PCSK2: variants seen among roughly 807,000 people sequenced by gnomAD.
The protein encoded by PCSK2 is proprotein convertase subtilisin/kexin type 2, also known as neuroendocrine convertase 2.
In PCSK2, 14 loss-of-function variants were observed where a neutral mutation model predicts 69.7. That is an observed-to-expected ratio of 0.20 (90% CI 0.13 to 0.31). The LOEUF (loss-of-function observed/expected upper bound fraction) is 0.31, where lower values mean the gene tolerates loss of function less well. PCSK2 is among the 10% of genes least tolerant of loss of function. The pLI, the probability that PCSK2 is intolerant of heterozygous loss-of-function variation, is 1.00. For missense variants in PCSK2, 544 were observed against 842.5 expected, an observed-to-expected ratio of 0.65 and a Z score of 4.39; for synonymous variants, 307 against 320.7, an observed-to-expected ratio of 0.96 and a Z score of 0.46.
At chr20:17,430,208 C>T (rs2032335848) in intron 7 of PCSK2, among the ~76,000 whole-genome samples, 3 of 151,910 alleles carry the variant, frequency 2.0e-5, no homozygotes, top group Admixed American at 1.3e-4. Context: ...TATCCCTCCC[C>T]TCTCAGAAAA....
chr20:17,449,301 C>G (rs1312197827), intron 8 of PCSK2, among the ~76,000 whole-genome samples: 1 of 152,130 alleles, frequency 6.6e-6, no homozygotes, highest in Non-Finnish European at 1.5e-5. Flanking sequence ...GGGTCATGGC[C>G]TCCCTTTGTC....
intron 2 of PCSK2, among the ~76,000 whole-genome samples, chr20:17,322,155 T>C (rs550179923): frequency 6.6e-6 from 1 of 152,302 alleles, no homozygotes; most frequent in African/African-American, 2.4e-5. Context: ...TCACACTTCC[T>C]GCAATAAGAG....
intron 5 of PCSK2, among the ~76,000 whole-genome samples, chr20:17,389,520 G>C (rs1464467691): frequency 1.3e-5 from 2 of 151,988 alleles, no homozygotes; most frequent in Non-Finnish European, 2.9e-5. Context: ...TTTGGTTCAT[G>C]GAAAGGGTGT....
chr20:17,371,810 T>C (rs2030772966), intron 5 of PCSK2, among the ~76,000 whole-genome samples: 1 of 152,146 alleles, frequency 6.6e-6, no homozygotes, highest in African/African-American at 2.4e-5. Context: ...TTAAACATTC[T>C]GATCTCCAAT....
chr20:17,433,153 G>T (rs1354304767), intron 7 of PCSK2, among the ~76,000 whole-genome samples: 3 of 152,186 alleles, frequency 2.0e-5, no homozygotes, highest in African/African-American at 7.2e-5. Context: ...TTTGATTGAA[G>T]ATTTTGAAAA....
intron 2 of PCSK2, among the ~76,000 whole-genome samples, chr20:17,339,034 A>G (rs1222497178): frequency 2.0e-5 from 3 of 152,192 alleles, no homozygotes; most frequent in Admixed American, 1.3e-4. Flanking sequence ...TAAGAACAGC[A>G]CACATTTTTA....
At chr20:17,268,973 C>T (rs1454875430) in intron 2 of PCSK2, among the ~76,000 whole-genome samples, 8 of 152,126 alleles carry the variant, frequency 5.3e-5, no homozygotes, top group Admixed American at 5.2e-4. Flanking sequence ...AGTGAGAAGG[C>T]AAAGGTGACT....
intron 2 of PCSK2, among the ~76,000 whole-genome samples, chr20:17,284,159 A>G (rs1988428972): frequency 6.6e-6 from 1 of 152,162 alleles, no homozygotes. Context: ...TGGCCCAGAA[A>G]GGTATCATTG....
intron 5 of PCSK2, among the ~76,000 whole-genome samples, chr20:17,399,658 A>T (rs1427946075): frequency 6.6e-6 from 1 of 152,176 alleles, no homozygotes; most frequent in Non-Finnish European, 1.5e-5. Flanking sequence ...GCGTTTTGCA[A>T]GGAGCCACAG....
intron 5 of PCSK2, among the ~76,000 whole-genome samples, chr20:17,382,962 C>T (rs911060396): frequency 2.0e-5 from 3 of 152,184 alleles, no homozygotes; most frequent in Non-Finnish European, 4.4e-5. Flanking sequence ...TGTGTAGCCA[C>T]TTCCTAGTTC....
At chr20:17,391,351 A>C (rs1300645953) in intron 5 of PCSK2, among the ~76,000 whole-genome samples, 1 of 152,162 alleles carries the variant, frequency 6.6e-6, no homozygotes. Flanking sequence ...TTCGCTGCTG[A>C]CTTGAAACTT....
rs376391606 is a variant in PCSK2 at position 17,300,417 on chromosome 20, C to T, written c.282+40073C>T. ...GGTTCCCCAGAGGTCCTTGCCCATT[C>T]CCCAGAGGTCCTTGCCCAGCCTATC... On this transcript the variant is annotated intron_variant, in intron 2 of 11. Transcript: ENST00000262545. 1.8e-4 allele frequency among the ~76,000 whole-genome samples: 27 copies of T among 152,358 alleles called. No individual in the cohort carries two copies. In the East Asian group the frequency reaches 3.3e-3, roughly 18 times the overall value.
At chr20:17,344,127 G>A (rs1391955740) in intron 2 of PCSK2, among the ~76,000 whole-genome samples, 1 of 152,176 alleles carries the variant, frequency 6.6e-6, no homozygotes, top group Non-Finnish European at 1.5e-5. Context: ...TTTTTCATTT[G>A]TTCCGCATCA....
intron 8 of PCSK2, among the ~76,000 whole-genome samples, chr20:17,449,522 G>GTAGGTATATATATATATA (rs2032766871): frequency 1.4e-5 from 1 of 72,280 alleles, no homozygotes; most frequent in African/African-American, 6.8e-5. Context: ...ATATATGTAT[G>GTAGGTATATATATATATA]TATGTATATA....
At chr20:17,472,525 G>A (rs983485936) in intron 11 of PCSK2, among the ~76,000 whole-genome samples, 1 of 152,202 alleles carries the variant, frequency 6.6e-6, no homozygotes, top group Non-Finnish European at 1.5e-5. Flanking sequence ...GGCTGTCATT[G>A]TTACTATTGT....
chr20:17,415,808 C>T (rs1403145126), intron 6 of PCSK2, among the ~76,000 whole-genome samples: 1 of 152,184 alleles, frequency 6.6e-6, no homozygotes, highest in East Asian at 1.9e-4. Context: ...GTAACCAAAA[C>T]AGCATGGCAC....
chr20:17,414,037 G>A (rs189296059), intron 6 of PCSK2, among the ~76,000 whole-genome samples: 3 of 152,002 alleles, frequency 2.0e-5, no homozygotes, highest in Non-Finnish European at 4.4e-5. Context: ...AAAGCAATGT[G>A]TAGAGGGAAA....
At chr20:17,462,159 C>A (rs1186881697) in intron 10 of PCSK2, among the ~76,000 whole-genome samples, 2 of 152,076 alleles carry the variant, frequency 1.3e-5, no homozygotes, top group African/African-American at 4.8e-5. Context: ...CCCCCACCCC[C>A]ACCAGTGCCG....
intron 11 of PCSK2, among the ~76,000 whole-genome samples, 171 bp from the exon 12 acceptor site, chr20:17,481,413 A>AAAAAAAAAG (rs113487407): frequency 3.5e-5 from 4 of 115,818 alleles, no homozygotes; most frequent in African/African-American, 7.7e-5. Context: ...AAAAAAAAAA[A>AAAAAAAAAG]AGAGATAAGT....
Sources: allele counts gnomAD v4.1 joint callset (sites outside exome capture counted in the v4.1 genomes callset), GRCh38; gene constraint gnomAD v4.1.1; transcripts MANE v1.5; gene names NCBI Gene and HGNC (gene_info 2026-07-23, HGNC 2026-07-21).